The following STK32A variants were observed in gnomAD, a reference collection of about 807,000 sequenced individuals.
STK32A encodes serine/threonine-protein kinase 32A.
Under a neutral mutation model 53.2 loss-of-function variants are expected in STK32A, and 41 were observed. That is an observed-to-expected ratio of 0.77 (90% confidence interval 0.60 to 1.00). The LOEUF (loss-of-function observed/expected upper bound fraction) is 1.00. Among genes scored for constraint, STK32A ranks in the 50% least tolerant of loss-of-function variants. The pLI is 0.00. For missense variants in STK32A, 458 were observed against 485.8 expected (o/e 0.94, Z 0.54); for synonymous variants, 166 against 162.8 (o/e 1.02, Z -0.15).
At chr5:147,337,498 T>G (rs970418004) in intron 5 of STK32A, among the ~76,000 whole-genome samples, 1 of 152,122 alleles carries the variant, frequency 6.6e-6, no homozygotes, top group Non-Finnish European at 1.5e-5. Context: ...TTTGTTTTGT[T>G]TTCTCTTCTC....
chr5:147,354,038 C>T (rs146696168), intron 7 of STK32A, among the ~76,000 whole-genome samples: 31 of 151,268 alleles, frequency 2.0e-4, no homozygotes, highest in African/African-American at 6.8e-4. Flanking sequence ...AAGAGAACCC[C>T]CTACATGCAG....
At chr5:147,334,185 C>A (rs1391491042) in intron 5 of STK32A, among the ~76,000 whole-genome samples, 2 of 152,174 alleles carry the variant, frequency 1.3e-5, no homozygotes, top group Non-Finnish European at 2.9e-5. Flanking sequence ...CTTCTGCAGT[C>A]TCCCTAACAA....
At chr5:147,285,804 A>G (rs1400542198) in intron 4 of STK32A, among the ~76,000 whole-genome samples, 4 of 152,106 alleles carry the variant, frequency 2.6e-5, no homozygotes, top group African/African-American at 9.7e-5. Context: ...AGATGTTGGC[A>G]TGGATGCAGT....
chr5:147,378,644 C>T (rs1174728811), intron 11 of STK32A, among the ~76,000 whole-genome samples: 1 of 151,898 alleles, frequency 6.6e-6, no homozygotes, highest in East Asian at 1.9e-4. Flanking sequence ...AGAAAAGAGT[C>T]AAGTGTTGGC....
At chr5:147,336,443 T>C (rs1301335252) in intron 5 of STK32A, among the ~76,000 whole-genome samples, 8 of 152,112 alleles carry the variant, frequency 5.3e-5, no homozygotes, top group Admixed American at 4.6e-4. Flanking sequence ...TCCCTTCTGA[T>C]GAAAGGATGA....
Position 147,295,842 on chromosome 5 carries a change from T to TAA in STK32A, c.260+16452_260+16453dup, listed in dbSNP as rs77093177. On this transcript the variant is annotated intron_variant, in intron 4 of 12. Transcript: ENST00000397936. Reference sequence around the variant, plus strand: ...GGGATGACTCTTAGCTGAAACAAAGTAAAAAAAAATAAAAATTACACTTCA... The same window carrying TAA: ...GGGATGACTCTTAGCTGAAACAAAGTAAAAAAAAAAATAAAAATTACACTTCA... Among the ~76,000 whole-genome samples the TAA allele has an allele frequency of 4.7e-3, 711 of 151,274 alleles. 5 individuals are homozygous for TAA. Among genetic ancestry groups the TAA allele is most frequent in the African/African-American group, 0.015 (604 of 41,218 alleles).
intron 11 of STK32A, among the ~76,000 whole-genome samples, chr5:147,377,962 G>A (rs1385516727): frequency 6.6e-6 from 1 of 152,030 alleles, no homozygotes; most frequent in Admixed American, 6.6e-5. Context: ...TCAAAACAAA[G>A]AATAGTCTTT....
intron 10 of STK32A, among the ~76,000 whole-genome samples, chr5:147,373,894 G>A (rs751429974): frequency 3.3e-5 from 5 of 152,196 alleles, no homozygotes; most frequent in Admixed American, 6.6e-5. Flanking sequence ...AAGGTCCCAA[G>A]TGAGGCCACT....
chr5:147,373,405 C>T (rs1442792802), intron 10 of STK32A, 111 bp downstream of exon 10: 11 of 1,402,404 alleles, frequency 7.8e-6, no homozygotes, highest in Middle Eastern at 1.8e-4. Flanking sequence ...TTAAGAGAGC[C>T]CCAATTCCCA....
At position 147,385,465 on chromosome 5, in the gene STK32A, T is replaced by G. The variant is rs751367646; in HGVS notation, c.*1482T>G. On this transcript the variant is annotated 3_prime_UTR_variant, in exon 13 of 13. Coordinates refer to ENST00000397936, the MANE Select transcript of STK32A (RefSeq NM_001112724.2). ...TAGAATTACTCTTAGAACAGTGGAA[T>G]GCCCACACATCCAAGACAGGCAAGT... 7.2e-5 allele frequency: 11 copies of G among 152,184 alleles called. No homozygotes were observed. The highest frequency in any genetic ancestry group is 1.3e-4 in the Non-Finnish European group (9 of 68,042). The allele number at this position is 152,184 out of a possible 1,614,324, so 9.4% of individuals were successfully genotyped here.
chr5:147,291,329 A>G (rs73797605), intron 4 of STK32A, among the ~76,000 whole-genome samples: 50,655 of 151,874 alleles, frequency 0.33, 8,825 homozygotes, highest in South Asian at 0.6. Flanking sequence ...GGGAAGGGGA[A>G]AGGATGAGTC....
chr5:147,386,778 A>G lies in STK32A; in HGVS notation c.*2795A>G, dbSNP rs887990341. ...CAAGTTTGAAAAGCAAAACCATGGT[A>G]TCTGACAGTGCTGATTGTAATCACC... On this transcript the variant is annotated 3_prime_UTR_variant, in exon 13 of 13. Coordinates refer to ENST00000397936, the MANE Select transcript of STK32A (RefSeq NM_001112724.2). The G allele has an allele frequency of 1.3e-5, 2 of 152,236 alleles. No homozygotes were observed. The highest frequency in any genetic ancestry group is 2.9e-5 in the Non-Finnish European group (2 of 68,048). The allele number at this position is 152,236 out of a possible 1,614,324, so 9.4% of individuals were successfully genotyped here.
At chr5:147,316,859 GAAAAAAAAAAA>G (rs35058586) in intron 4 of STK32A, among the ~76,000 whole-genome samples, 1 of 61,330 alleles carries the variant, frequency 1.6e-5, no homozygotes, top group Non-Finnish European at 2.8e-5. Flanking sequence ...TGTTTCTGGC[GAAAAAAAAAAA>G]AAAAAAAAAA....
chr5:147,251,608 G>A (rs1754002573), intron 2 of STK32A, among the ~76,000 whole-genome samples: 1 of 152,130 alleles, frequency 6.6e-6, no homozygotes, highest in African/African-American at 2.4e-5. Context: ...CAAACATTGG[G>A]AATTGCTCTT....
At chr5:147,331,214 T>A (rs1754855265) in intron 5 of STK32A, among the ~76,000 whole-genome samples, 1 of 152,184 alleles carries the variant, frequency 6.6e-6, no homozygotes. Context: ...ACTATTTAAT[T>A]TATACTACAA....
chr5:147,360,830 T>G (rs745654329), intron 7 of STK32A, among the ~76,000 whole-genome samples: 5 of 152,156 alleles, frequency 3.3e-5, no homozygotes, highest in African/African-American at 4.8e-5. Context: ...GAAGGGTAAG[T>G]AAAAGGTTCA....
chr5:147,369,775 C>T (rs10515584), intron 8 of STK32A, among the ~76,000 whole-genome samples: 31,036 of 151,976 alleles, frequency 0.2, 3,962 homozygotes, highest in East Asian at 0.55. Flanking sequence ...GCTAGTTAAT[C>T]GAATATGGAA....
intron 1 of STK32A, among the ~76,000 whole-genome samples, chr5:147,237,285 C>T (rs1297362777): frequency 6.6e-6 from 1 of 151,998 alleles, no homozygotes; most frequent in Non-Finnish European, 1.5e-5. Context: ...TGCACTCCAG[C>T]CTGGGCAACA....
At chr5:147,368,036 C>T (rs902805160) in intron 8 of STK32A, among the ~76,000 whole-genome samples, 2 of 152,210 alleles carry the variant, frequency 1.3e-5, no homozygotes, top group Non-Finnish European at 2.9e-5. Flanking sequence ...AGAAAATGTG[C>T]TCGAAAACAT....
Sources: gnomAD v4.1 joint callset for allele counts (sites outside exome capture counted in the v4.1 genomes callset) on GRCh38, gnomAD v4.1.1 for gene constraint, MANE v1.5 for transcripts, NCBI Gene and HGNC (gene_info 2026-07-23, HGNC 2026-07-21) for gene names.